The following CAV3 variants were observed in gnomAD, a reference collection of about 807,000 sequenced individuals.
CAV3 encodes the protein caveolin 3, also known as caveolin-3.
CAV3 carries 10 observed loss-of-function variants against 13.4 expected under a neutral mutation model. The ratio of observed to expected loss-of-function variants is 0.75; its 90% CI spans 0.46 to 1.27. CAV3 has a LOEUF of 1.27. CAV3 is among the 50% of genes most tolerant of loss of function. CAV3 has a pLI of 0.00. For missense variants in CAV3, 162 were observed against 194.0 expected, an observed-to-expected ratio of 0.83 and a Z score of 0.98; for synonymous variants, 90 against 79.0, an observed-to-expected ratio of 1.14 and a Z score of -0.74.
Position 8,745,450 on chromosome 3 carries a change from C to A in CAV3, c.115-76C>A. ...ACCTGACCTCTAGGGGATTCTGACA[C>A]ATGCACGCACACACCCAAAAGCTTG... On this transcript the variant is annotated intron_variant, in intron 1 of 1. Coordinates refer to ENST00000343849, the MANE Select transcript of CAV3 (RefSeq NM_033337.3). This position sits in a 1 kb window ranked among gnomAD's most constrained non-coding sequence, Gnocchi z 4.8. 8.9e-7 allele frequency: 1 copy of A among 1,126,422 alleles called. No individual in the cohort carries two copies. Among genetic ancestry groups the A allele is most frequent in the Non-Finnish European group, 1.3e-6 (1 of 743,968 alleles). The allele number at this position is 1,126,422 out of a possible 1,614,324, so 69.8% of individuals were successfully genotyped here. A position where few individuals can be genotyped will look rare whatever the true frequency, so the allele number is the denominator to read the frequency against.
In CAV3 at chr3:8,733,870, C is replaced by T. The variant is rs368328885; in HGVS notation, c.-7C>T. On this transcript the variant is annotated 5_prime_UTR_variant, in exon 1 of 2. Coordinates refer to ENST00000343849, the MANE Select transcript of CAV3 (RefSeq NM_033337.3). ...GATCTCCTCCTGTGGATCCCCCCAG[C>T]TCTGCGATGATGGCAGAAGAGCACA... 1.3e-5 allele frequency: 21 copies of T among 1,572,224 alleles called. No individual in the cohort carries two copies. Among genetic ancestry groups the T allele is most frequent in the Non-Finnish European group, 1.8e-5 (20 of 1,141,860 alleles).
chr3:8,737,373 C>T (rs1707792300), intron 1 of CAV3, among the ~76,000 whole-genome samples: 1 of 152,136 alleles, frequency 6.6e-6, no homozygotes, highest in Non-Finnish European at 1.5e-5. Flanking sequence ...GTCCCTGGTG[C>T]CACCAGTCAC....
rs1553614071 is a variant in CAV3 at position 8,742,372 on chromosome 3, A to AAAG, written c.115-3136_115-3134dup. The stretch of plus-strand genomic sequence containing the variant: ...CTTCTGCAAACACCAAAAAAAAAAA[A>AAAG]AAGAAGAAGAAGAAGAAGAAAGATA... On this transcript the variant is annotated intron_variant, in intron 1 of 1. Coordinates refer to ENST00000343849, the MANE Select transcript of CAV3 (RefSeq NM_033337.3). 194 of 345,850 alleles carry AAAG rather than the reference A, an allele frequency of 5.6e-4. 1 individual carries two copies. Among genetic ancestry groups the AAAG allele is most frequent in the African/African-American group, 2.1e-3 (95 of 44,958 alleles). 21.4% of individuals were successfully genotyped at this position (345,850 alleles called of 1,614,324 possible).
At chr3:8,734,581 A>T (rs1417254623) in intron 1 of CAV3, among the ~76,000 whole-genome samples, 1 of 152,140 alleles carries the variant, frequency 6.6e-6, no homozygotes, top group Non-Finnish European at 1.5e-5. Flanking sequence ...CTCGAAGAGA[A>T]AGCTCGGGGT....
At chr3:8,741,870 A>G (rs1027764931) in intron 1 of CAV3, among the ~76,000 whole-genome samples, 3 of 152,072 alleles carry the variant, frequency 2.0e-5, no homozygotes, top group Non-Finnish European at 4.4e-5. Context: ...GCTGGTTTCA[A>G]TTAATCAACT....
intron 1 of CAV3, among the ~76,000 whole-genome samples, chr3:8,739,805 A>AT (rs1300341720): frequency 6.6e-6 from 1 of 152,012 alleles, no homozygotes; most frequent in African/African-American, 2.4e-5. Context: ...GGAAACAACC[A>AT]TTTTTTTATT....
At position 8,745,927 on chromosome 3, in the gene CAV3, G is replaced by C; in HGVS notation, c.*60G>C. The C allele has an allele frequency of 7.1e-7, 1 of 1,418,424 alleles. No homozygotes were observed. The highest frequency in any genetic ancestry group is 9.8e-7 in the Non-Finnish European group (1 of 1,024,212). The allele number at this position is 1,418,424 out of a possible 1,614,324, so 87.9% of individuals were successfully genotyped here. A position where few individuals can be genotyped will look rare whatever the true frequency, so the allele number is the denominator to read the frequency against. The stretch of plus-strand genomic sequence containing the variant: ...GGTGGTGGGCCAGACTGGTCCCCGG[G>C]GGACTTCTTCACAGGGGCTGCTGGC... On this transcript the variant is annotated 3_prime_UTR_variant, in exon 2 of 2. Transcript: ENST00000343849. This position sits in a 1 kb window ranked among gnomAD's most constrained non-coding sequence, Gnocchi z 4.8.
intron 1 of CAV3, among the ~76,000 whole-genome samples, chr3:8,737,742 C>A (rs1261234421): frequency 6.6e-6 from 1 of 152,198 alleles, no homozygotes; most frequent in Non-Finnish European, 1.5e-5. Flanking sequence ...TAGTGATGAG[C>A]AGGACAGCCT....
At chr3:8,734,223 T>C (rs1180831772) in intron 1 of CAV3, among the ~76,000 whole-genome samples, 1 of 142,986 alleles carries the variant, frequency 7.0e-6, no homozygotes, top group African/African-American at 2.6e-5. Context: ...CTCCATGACC[T>C]AAGTGCTAAT....
intron 1 of CAV3, among the ~76,000 whole-genome samples, chr3:8,739,857 C>CTGCTGGTCCCACTGGGGGCCTCTCA (rs1226407520): frequency 6.6e-6 from 1 of 152,114 alleles, no homozygotes; most frequent in Non-Finnish European, 1.5e-5. Context: ...CTTGGCAGTC[C>CTGCTGGTCCCACTGGGGGCCTCTCA]TGCTGGTCCC....
chr3:8,740,160 TG>T (rs1200534425), intron 1 of CAV3, among the ~76,000 whole-genome samples: 1 of 152,156 alleles, frequency 6.6e-6, no homozygotes, highest in Non-Finnish European at 1.5e-5. Context: ...ACTTCTAACA[TG>T]GGGGCTCAGT....
rs942513448 is a variant in CAV3 at position 8,743,332 on chromosome 3, C to T, written c.115-2194C>T. Among the ~76,000 whole-genome samples, 10 of 152,248 alleles carry T rather than the reference C, an allele frequency of 6.6e-5. No individual in the cohort carries two copies. The East Asian group carries it at 1.9e-3, about 29-fold the overall frequency. ...GCCCTGGGGGTTTGACTAGAACCTCCATAAACATGGGGAGTGAATATGACT... is the reference window on the plus strand; with the variant it reads ...GCCCTGGGGGTTTGACTAGAACCTCTATAAACATGGGGAGTGAATATGACT... On this transcript the variant is annotated intron_variant, in intron 1 of 1. Coordinates refer to ENST00000343849, the MANE Select transcript of CAV3 (RefSeq NM_033337.3).
At chr3:8,742,998 A>G (rs1708029564) in intron 1 of CAV3, among the ~76,000 whole-genome samples, 1 of 152,210 alleles carries the variant, frequency 6.6e-6, no homozygotes, top group Admixed American at 6.5e-5. Context: ...TCATAGCAGA[A>G]GGCAAAGGGG....
In CAV3 at chr3:8,745,408, T is replaced by C; in HGVS notation, c.115-118T>C. On this transcript the variant is annotated intron_variant, in intron 1 of 1. Coordinates refer to ENST00000343849, the MANE Select transcript of CAV3 (RefSeq NM_033337.3). This position sits in a 1 kb window ranked among gnomAD's most constrained non-coding sequence, Gnocchi z 4.8. The stretch of plus-strand genomic sequence containing the variant: ...CAAGAATAGCCTAATACAGGTAGGG[T>C]CCAGCCACCAAGGTTAACCTGACCT... 1 of 751,252 alleles carries C rather than the reference T, an allele frequency of 1.3e-6. No individual in the cohort carries two copies. The highest frequency in any genetic ancestry group is 2.4e-6 in the Non-Finnish European group (1 of 424,084). The allele number at this position is 751,252 out of a possible 1,614,324, so 46.5% of individuals were successfully genotyped here.
intron 1 of CAV3, chr3:8,742,650 C>T (rs1708013712): frequency 2.4e-6 from 1 of 413,232 alleles, no homozygotes; most frequent in Admixed American, 2.6e-5. Flanking sequence ...TCACAATAGC[C>T]AGGCATTGTG....
chr3:8,733,862 C>T lies in CAV3; in HGVS notation c.-15C>T, dbSNP rs569240109. 1.3e-6 allele frequency: 2 copies of T among 1,521,118 alleles called. No homozygotes were observed. Among genetic ancestry groups the T allele is most frequent in the Admixed American group, 1.7e-5 (1 of 59,650 alleles). The allele number at this position is 1,521,118 out of a possible 1,614,324, so 94.2% of individuals were successfully genotyped here. Reference sequence around the variant, plus strand: ...ACAGCTCGGATCTCCTCCTGTGGATCCCCCCAGCTCTGCGATGATGGCAGA... The same window carrying T: ...ACAGCTCGGATCTCCTCCTGTGGATTCCCCCAGCTCTGCGATGATGGCAGA... On this transcript the variant is annotated 5_prime_UTR_variant, in exon 1 of 2. Transcript: ENST00000343849.
chr3:8,739,646 G>A (rs544736818), intron 1 of CAV3, among the ~76,000 whole-genome samples: 20 of 150,466 alleles, frequency 1.3e-4, no homozygotes, highest in East Asian at 9.8e-4. Flanking sequence ...AGAGTTTCAC[G>A]CTCAAACTTG....
chr3:8,743,334 T>C (rs1425705862), intron 1 of CAV3, among the ~76,000 whole-genome samples: 1 of 152,080 alleles, frequency 6.6e-6, no homozygotes, highest in Non-Finnish European at 1.5e-5. Context: ...AGAACCTCCA[T>C]AAACATGGGG....
intron 1 of CAV3, 59 bp downstream of exon 1, chr3:8,734,049 G>A (rs1286224256): frequency 5.7e-5 from 52 of 915,938 alleles, no homozygotes; most frequent in East Asian, 3.9e-4. Context: ...AGACGTGGGC[G>A]CTTGGCAGGG....
Sources: gnomAD v4.1 joint callset for allele counts (sites outside exome capture counted in the v4.1 genomes callset) on GRCh38, gnomAD v4.1.1 for gene constraint, Gnocchi (gnomAD v3.1) non-coding constraint, MANE v1.5 for transcripts, NCBI Gene and HGNC (gene_info 2026-07-23, HGNC 2026-07-21) for gene names.